Variants in ITPKB observed in about 807,000 individuals in gnomAD.
ITPKB encodes IP3 3-kinase B.
ITPKB carries 13 observed loss-of-function variants against 69.4 expected under a neutral mutation model. The observed-to-expected ratio is 0.19, with a 90% CI of 0.12 to 0.30. ITPKB has a LOEUF of 0.30. Among genes scored for constraint, ITPKB ranks in the 10% least tolerant of loss-of-function variants. The pLI, the probability that ITPKB is intolerant of heterozygous loss-of-function variation, is 1.00. For missense variants in ITPKB, 1,240 were observed against 1,250.5 expected, an observed-to-expected ratio of 0.99 and a Z score of 0.13; for synonymous variants, 584 against 513.7, an observed-to-expected ratio of 1.14 and a Z score of -1.85.
rs71646794 is a variant in ITPKB, at chr1:226,643,430, A to C, written c.2247-1305T>G. ...AGCAGTGTCAGTTGCAGGATGGGGA[A>C]GTTTTCTCCCCTTTGCCCTGTGTGG... is the stretch of plus-strand genomic sequence containing the variant. On this transcript the variant is annotated intron_variant, in intron 4 of 7. Transcript: ENST00000429204. 8.8e-3 allele frequency among the ~76,000 whole-genome samples: 1,342 copies of C among 152,302 alleles called. 7 individuals are homozygous for C. The highest frequency in any genetic ancestry group is 0.031 in the Middle Eastern group (9 of 294).
intron 7 of ITPKB, among the ~76,000 whole-genome samples, chr1:226,635,897 G>A (rs1167491189): frequency 6.6e-6 from 1 of 152,268 alleles, no homozygotes; most frequent in African/African-American, 2.4e-5. Flanking sequence ...TGGGGCCAGA[G>A]GAAGGCCGGG....
intron 2 of ITPKB, among the ~76,000 whole-genome samples, chr1:226,735,105 A>T (rs1657704361): frequency 6.6e-6 from 1 of 152,144 alleles, no homozygotes; most frequent in African/African-American, 2.4e-5. Flanking sequence ...ATCCTTGTCA[A>T]TTTTCTTTGG....
At chr1:226,648,522 G>A (rs781004971) in intron 3 of ITPKB, 150 bp downstream of exon 3, 2 of 649,864 alleles carry the variant, frequency 3.1e-6, no homozygotes, top group Non-Finnish European at 5.6e-6. Flanking sequence ...CATTGGTAAG[G>A]CCGCAGCCTG....
At chr1:226,721,960 C>T (rs755793025) in intron 2 of ITPKB, among the ~76,000 whole-genome samples, 4 of 151,396 alleles carry the variant, frequency 2.6e-5, no homozygotes, top group South Asian at 4.2e-4. Flanking sequence ...ATTACAGGCG[C>T]GCACCACCAC....
chr1:226,639,732 A>C lies in ITPKB; in HGVS notation c.2452-74T>G. Reference sequence around the variant, plus strand: ...GGCAGAAACTGTTCTCACCCACCCAACACCACAGAGCAGGCGAGCCCCATC... The same window carrying C: ...GGCAGAAACTGTTCTCACCCACCCACCACCACAGAGCAGGCGAGCCCCATC... On this transcript the variant is annotated intron_variant, in intron 5 of 7. Coordinates refer to ENST00000429204, the MANE Select transcript of ITPKB (RefSeq NM_002221.4). 3 of 983,426 alleles carry C rather than the reference A, an allele frequency of 3.1e-6. No homozygotes were observed. The South Asian group carries it at 3.9e-5, about 13-fold the overall frequency. 60.9% of individuals were successfully genotyped at this position (983,426 alleles called of 1,614,324 possible).
chr1:226,717,980 T>C (rs972889157), intron 2 of ITPKB, among the ~76,000 whole-genome samples: 1 of 152,114 alleles, frequency 6.6e-6, no homozygotes, highest in Admixed American at 6.5e-5. Flanking sequence ...AGTGAAAAAA[T>C]TAACATCGCC....
chr1:226,738,323 G>A lies in ITPKB; in HGVS notation c.-205-660C>T, dbSNP rs928856032. 1.4e-4 allele frequency among the ~76,000 whole-genome samples: 22 copies of A among 152,260 alleles called. No homozygotes were observed. Among genetic ancestry groups the A allele is most frequent in the African/African-American group, 5.1e-4 (21 of 41,564 alleles). ...GGCGGGCAGCGGGGCCGCAGCCGAAGCATTTTTCAGGGCTAGCCTTGTCGC... is the reference window on the plus strand; with the variant it reads ...GGCGGGCAGCGGGGCCGCAGCCGAAACATTTTTCAGGGCTAGCCTTGTCGC... On this transcript the variant is annotated intron_variant, in intron 1 of 7. Coordinates refer to ENST00000429204, the MANE Select transcript of ITPKB (RefSeq NM_002221.4). This position sits in a 1 kb window ranked among gnomAD's most constrained non-coding sequence, Gnocchi z 4.2.
At chr1:226,732,284 G>A (rs1657612263) in intron 2 of ITPKB, among the ~76,000 whole-genome samples, 1 of 152,150 alleles carries the variant, frequency 6.6e-6, no homozygotes, top group South Asian at 2.1e-4. Flanking sequence ...TGTAGCCCAG[G>A]CTGCAGTGCA....
chr1:226,701,070 C>G (rs922094579), intron 2 of ITPKB, among the ~76,000 whole-genome samples: 1 of 152,164 alleles, frequency 6.6e-6, no homozygotes, highest in African/African-American at 2.4e-5. Flanking sequence ...TCCCAGCTAC[C>G]CAATGACACT....
At chr1:226,639,732 A>G in intron 5 of ITPKB, 74 bp from the exon 6 acceptor site, 1 of 983,426 alleles carries the variant, frequency 1.0e-6, no homozygotes, top group Non-Finnish European at 1.6e-6. Flanking sequence ...CACCCACCCA[A>G]CACCACAGAG....
In ITPKB at chr1:226,672,901, C is replaced by T. The variant is rs3768385; in HGVS notation, c.1933-24130G>A. Among the ~76,000 whole-genome samples, 43 of 152,336 alleles carry T rather than the reference C, an allele frequency of 2.8e-4. 1 individual carries two copies. The East Asian group carries it at 7.3e-3, about 26-fold the overall frequency. On this transcript the variant is annotated intron_variant, in intron 2 of 7. Coordinates refer to ENST00000429204, the MANE Select transcript of ITPKB (RefSeq NM_002221.4). ...GGGCAGACAAACAGGAAGAAGGTCCCAGGTGGAGAACCTGCATTTGGCTTC... is the reference window on the plus strand; with the variant it reads ...GGGCAGACAAACAGGAAGAAGGTCCTAGGTGGAGAACCTGCATTTGGCTTC...
At position 226,726,616 on chromosome 1, in the gene ITPKB, C is replaced by T. The variant is rs928617774; in HGVS notation, c.1932+8911G>A. On this transcript the variant is annotated intron_variant, in intron 2 of 7. Transcript: ENST00000429204. ...TCTTGAGCTGGAGAGATCGAGGCTG[C>T]AGTGAGCTGTGATCACACAACTGCA... Among the ~76,000 whole-genome samples, 5 of 152,104 alleles carry T rather than the reference C, an allele frequency of 3.3e-5. No individual in the cohort carries two copies. In the South Asian group the frequency reaches 1.0e-3, roughly 31 times the overall value.
chr1:226,667,782 T>C (rs1669532005), intron 2 of ITPKB, among the ~76,000 whole-genome samples: 1 of 151,580 alleles, frequency 6.6e-6, no homozygotes, highest in Non-Finnish European at 1.5e-5. Flanking sequence ...GGAAGCTTCA[T>C]GGAAAAGGTG....
At chr1:226,670,969 A>C (rs1021367073) in intron 2 of ITPKB, among the ~76,000 whole-genome samples, 6 of 152,244 alleles carry the variant, frequency 3.9e-5, no homozygotes, top group Admixed American at 2.6e-4. Flanking sequence ...AACACCAAAT[A>C]AACAAGTAAC....
In ITPKB at chr1:226,637,974, T is replaced by C. The variant is rs1163516733; in HGVS notation, c.2554-224A>G. On this transcript the variant is annotated intron_variant, in intron 6 of 7. Coordinates refer to ENST00000429204, the MANE Select transcript of ITPKB (RefSeq NM_002221.4). This position sits in a 1 kb window ranked among gnomAD's most constrained non-coding sequence, Gnocchi z 4.3. ...ACAGGGTAAGAGAGAGAACCACAAA[T>C]ATCTCTCCCAGTGCCCTCTCCATGG... is the stretch of plus-strand genomic sequence containing the variant. Among the ~76,000 whole-genome samples the C allele has an allele frequency of 1.3e-5, 2 of 152,204 alleles. No individual in the cohort carries two copies. Among genetic ancestry groups the C allele is most frequent in the Admixed American group, 1.3e-4 (2 of 15,282 alleles).
intron 2 of ITPKB, among the ~76,000 whole-genome samples, chr1:226,690,890 G>A (rs1447673116): frequency 6.6e-6 from 1 of 152,192 alleles, no homozygotes; most frequent in Non-Finnish European, 1.5e-5. Flanking sequence ...GCCTTAAAAG[G>A]GAAGGAAATT....
intron 2 of ITPKB, chr1:226,707,778 T>C: frequency 9.3e-7 from 1 of 1,070,300 alleles, no homozygotes. Flanking sequence ...CTGCAGCACT[T>C]AGACTTTACA....
intron 3 of ITPKB, 76 bp from the exon 4 acceptor site, chr1:226,647,456 C>G (rs1401721038): frequency 4.9e-6 from 5 of 1,029,864 alleles, no homozygotes; most frequent in Admixed American, 2.0e-5. Context: ...AGCACAGGGT[C>G]TGGGCCTCCC....
At chr1:226,715,297 T>C (rs765400330) in intron 2 of ITPKB, among the ~76,000 whole-genome samples, 1 of 152,246 alleles carries the variant, frequency 6.6e-6, no homozygotes, top group Non-Finnish European at 1.5e-5. Context: ...TGAAAGCTAG[T>C]TAGTCGCAGG....
Sources: gnomAD v4.1 joint callset for allele counts (sites outside exome capture counted in the v4.1 genomes callset) on GRCh38, gnomAD v4.1.1 for gene constraint, Gnocchi (gnomAD v3.1) non-coding constraint, MANE v1.5 for transcripts, NCBI Gene and HGNC (gene_info 2026-07-23, HGNC 2026-07-21) for gene names.